The following RAB38 variants were observed in gnomAD, a reference collection of about 807,000 sequenced individuals.
The protein encoded by RAB38 is ras-related protein Rab-38.
RAB38 carries 15 observed loss-of-function variants against 18.4 expected under a neutral mutation model. That is an observed-to-expected ratio of 0.82 (90% CI 0.55 to 1.26). The LOEUF (loss-of-function observed/expected upper bound fraction) is 1.26. RAB38 is among the 50% of genes most tolerant of loss of function. RAB38 has a pLI of 0.00. For missense variants in RAB38, 294 were observed against 267.4 expected, an observed-to-expected ratio of 1.10 and a Z score of -0.69; for synonymous variants, 101 against 104.4, an observed-to-expected ratio of 0.97 and a Z score of 0.20.
the RAB38 span, among the ~76,000 whole-genome samples, chr11:88,092,464 C>T: frequency 1.4e-5 from 2 of 142,032 alleles, no homozygotes; most frequent in South Asian, 4.6e-4. Context: ...ATGCCAGGCT[C>T]TTTTAAACAA....
In RAB38 at chr11:88,159,978, T is replaced by C. The variant is rs560035985; in HGVS notation, c.203-10023A>G. 1.3e-4 allele frequency among the ~76,000 whole-genome samples: 20 copies of C among 151,990 alleles called. 1 individual carries two copies. The Middle Eastern group carries it at 0.01, about 78-fold the overall frequency. Reference sequence around the variant, plus strand: ...TGCAACAAAAACAAAAACTGACAAGTGGAACCAATTAAACTAGAGAGCTTC... The same window carrying C: ...TGCAACAAAAACAAAAACTGACAAGCGGAACCAATTAAACTAGAGAGCTTC... On this transcript the variant is annotated intron_variant, in intron 1 of 2. Coordinates refer to ENST00000243662, the MANE Select transcript of RAB38 (RefSeq NM_022337.3).
the RAB38 span, among the ~76,000 whole-genome samples, chr11:87,870,580 G>T: frequency 2.6e-5 from 4 of 151,364 alleles, no homozygotes; most frequent in African/African-American, 9.7e-5. Context: ...CTTGTTTTTA[G>T]TTCGGTGTTT....
chr11:87,957,321 G>T, the RAB38 span, among the ~76,000 whole-genome samples: 2 of 151,960 alleles, frequency 1.3e-5, no homozygotes, highest in Non-Finnish European at 2.9e-5. Context: ...CCCCATAGGG[G>T]CAATAAGGTA....
chr11:87,868,363 C>T, the RAB38 span, among the ~76,000 whole-genome samples: 1 of 151,718 alleles, frequency 6.6e-6, no homozygotes, highest in South Asian at 2.1e-4. Context: ...TGGAAGCAGC[C>T]TGAAGCCCTC....
the RAB38 span, among the ~76,000 whole-genome samples, chr11:88,030,599 C>A: frequency 6.6e-6 from 1 of 152,188 alleles, no homozygotes; most frequent in Admixed American, 6.5e-5. Flanking sequence ...TACAAAAACA[C>A]CTCTACGCAA....
At chr11:88,155,453 A>T (rs1274642539) in intron 1 of RAB38, among the ~76,000 whole-genome samples, 1 of 152,122 alleles carries the variant, frequency 6.6e-6, no homozygotes, top group Non-Finnish European at 1.5e-5. Flanking sequence ...AAACCAAAAG[A>T]CCCCATGGAG....
chr11:87,845,640 G>C, the RAB38 span, among the ~76,000 whole-genome samples: 5 of 152,154 alleles, frequency 3.3e-5, no homozygotes, highest in African/African-American at 4.8e-5. Flanking sequence ...AACGTATATG[G>C]CTGAATGCTT....
the RAB38 span, among the ~76,000 whole-genome samples, chr11:87,960,149 G>A: frequency 6.6e-6 from 1 of 152,026 alleles, no homozygotes; most frequent in Non-Finnish European, 1.5e-5. Flanking sequence ...CAGTGTAATT[G>A]ACTTAGAAAA....
the RAB38 span, among the ~76,000 whole-genome samples, chr11:87,895,617 T>C: frequency 1.1e-4 from 17 of 151,566 alleles, no homozygotes; most frequent in South Asian, 3.3e-3. Flanking sequence ...CAATGGAGAG[T>C]CTCTTTGGCT....
chr11:88,035,938 C>A, the RAB38 span, among the ~76,000 whole-genome samples: 1 of 151,758 alleles, frequency 6.6e-6, no homozygotes, highest in Non-Finnish European at 1.5e-5. Context: ...CAAACCACTG[C>A]TTTTAAAAAT....
chr11:88,049,470 C>G, the RAB38 span, among the ~76,000 whole-genome samples: 1 of 151,022 alleles, frequency 6.6e-6, no homozygotes, highest in Non-Finnish European at 1.5e-5. Flanking sequence ...CCCGATTTGA[C>G]TGTAATTTTC....
At chr11:87,863,513 T>G in the RAB38 span, among the ~76,000 whole-genome samples, 1 of 151,726 alleles carries the variant, frequency 6.6e-6, no homozygotes, top group Non-Finnish European at 1.5e-5. Context: ...AGTCCCAGTT[T>G]CAGACCTAGG....
At chr11:87,890,730 TC>T in the RAB38 span, among the ~76,000 whole-genome samples, 78 of 152,022 alleles carry the variant, frequency 5.1e-4, no homozygotes, top group Admixed American at 1.0e-3. Context: ...CATAAGTTTC[TC>T]TTGTACTAAT....
chr11:88,028,506 A>G, the RAB38 span, among the ~76,000 whole-genome samples: 4 of 152,238 alleles, frequency 2.6e-5, no homozygotes, highest in South Asian at 8.3e-4. Flanking sequence ...ATGTATAACT[A>G]GCATAACCAA....
chr11:87,975,166 C>G, the RAB38 span, among the ~76,000 whole-genome samples: 1 of 151,860 alleles, frequency 6.6e-6, no homozygotes, highest in Non-Finnish European at 1.5e-5. Context: ...ATAAGGAAGT[C>G]AGTCATAGGA....
Position 88,123,268 on chromosome 11 carries a change from T to C in RAB38, c.484-9128A>G, listed in dbSNP as rs561756748. The stretch of plus-strand genomic sequence containing the variant: ...GGACTGGGAGCTTCCAGGAGTTTCA[T>C]TGCCCCATCCTGGTGTCTAGCACAG... On this transcript the variant is annotated intron_variant, in intron 2 of 2. Transcript: ENST00000243662. Among the ~76,000 whole-genome samples, 10 of 152,266 alleles carry C rather than the reference T, an allele frequency of 6.6e-5. No homozygotes were observed. In the East Asian group the frequency reaches 1.5e-3, roughly 23 times the overall value.
At chr11:87,862,869 C>T in the RAB38 span, among the ~76,000 whole-genome samples, 1 of 151,814 alleles carries the variant, frequency 6.6e-6, no homozygotes, top group South Asian at 2.1e-4. Context: ...ATAAAGTTTA[C>T]ATTAAAATAA....
At chr11:87,905,490 G>A in the RAB38 span, among the ~76,000 whole-genome samples, 6 of 151,870 alleles carry the variant, frequency 4.0e-5, no homozygotes, top group East Asian at 1.2e-3. Context: ...TTTGATACTT[G>A]CAGACTTAAT....
At chr11:87,822,568 T>G in the RAB38 span, among the ~76,000 whole-genome samples, 1 of 152,208 alleles carries the variant, frequency 6.6e-6, no homozygotes, top group Admixed American at 6.5e-5. Flanking sequence ...TTTTCCAGCT[T>G]ACTCAAGTGA....
Sources: allele counts gnomAD v4.1 joint callset (sites outside exome capture counted in the v4.1 genomes callset), GRCh38; gene constraint gnomAD v4.1.1; transcripts MANE v1.5; gene names NCBI Gene and HGNC (gene_info 2026-07-23, HGNC 2026-07-21).